The following DMD variants were observed in gnomAD, a reference collection of about 807,000 sequenced individuals.
DMD encodes the protein mutant dystrophin.
In DMD, 63 loss-of-function variants were observed where a neutral mutation model predicts 330.1. The observed-to-expected ratio is 0.19, with a 90% CI of 0.16 to 0.24. DMD has a LOEUF of 0.24. Ranked by LOEUF, DMD falls within the 10% of genes least tolerant of loss-of-function variation. DMD has a pLI of 1.00. For missense variants in DMD, 3,344 were observed against 2,684.1 expected (o/e 1.25, Z -5.43); for synonymous variants, 1,223 against 959.8 (o/e 1.27, Z -5.07).
At chrX:32,804,548 A>C (rs1221099569) in intron 7 of DMD, among the ~76,000 whole-genome samples, 2 of 112,660 alleles carry the variant, frequency 1.8e-5, no homozygotes, top group East Asian at 5.7e-4. Context: ...TGGGTGCAGC[A>C]TCAGCAGACT....
intron 34 of DMD, among the ~76,000 whole-genome samples, chrX:32,373,741 C>G (rs1261650067): frequency 1.8e-5 from 2 of 111,480 alleles, no homozygotes; most frequent in Non-Finnish European, 3.8e-5. Context: ...AGTTAATTTG[C>G]CTTCCTCTTG....
chrX:32,001,197 G>A (rs1468800739), intron 44 of DMD, among the ~76,000 whole-genome samples: 2 of 110,887 alleles, frequency 1.8e-5, no homozygotes, highest in Non-Finnish European at 3.8e-5. Flanking sequence ...GTGGTTGTAG[G>A]ACTGCATATG....
Position 31,177,936 on chromosome X carries a change from A to G in DMD, c.10258T>C (p.Ser3420Pro), listed in dbSNP as rs1569418231. The G allele has an allele frequency of 2.5e-6, 3 of 1,207,837 alleles. No homozygotes were observed. The highest frequency in any genetic ancestry group is 3.4e-6 in the Non-Finnish European group (3 of 892,618). Residue 3420 changes from serine (S) to proline (P), a missense_variant, in exon 71 of 79, where the codon TCT becomes CCT. Ser to Pro is a moderately conservative substitution (Grantham distance 74). Coordinates refer to ENST00000357033, the MANE Select transcript of DMD (RefSeq NM_004006.3). ...VTLINFWPVD[S>P]APASSPQLSH... The stretch of plus-strand genomic sequence containing the variant: ...TTCAGCAAAAAAAGTACTCACGCAG[A>G]ATCTACTGGCCAGAAGTTGATCAGA...
chrX:33,128,388 A>G (rs1301261446), intron 1 of DMD: 1 of 1,008,705 alleles, frequency 9.9e-7, no homozygotes, highest in Non-Finnish European at 1.3e-6. Context: ...GTTGCCGTGA[A>G]TAGTGAGGTG....
At chrX:32,018,542 C>A (rs1237137065) in intron 44 of DMD, among the ~76,000 whole-genome samples, 1 of 111,847 alleles carries the variant, frequency 8.9e-6, no homozygotes, top group Non-Finnish European at 1.9e-5. Flanking sequence ...ATAAACTCTG[C>A]TTACAACCTA....
At chrX:31,451,848 G>A (rs1603023415) in intron 59 of DMD, among the ~76,000 whole-genome samples, 1 of 107,111 alleles carries the variant, frequency 9.3e-6, no homozygotes, top group African/African-American at 3.5e-5. Flanking sequence ...AAAAAAAAAA[G>A]GGATGTGATT....
rs139507869 is a variant in DMD at position 32,840,960 on chromosome X, T to A, written c.264+3823A>T. 4.5e-3 allele frequency among the ~76,000 whole-genome samples: 505 copies of A among 112,040 alleles called. 6 individuals are homozygous for A. Among genetic ancestry groups the A allele is most frequent in the African/African-American group, 0.015 (454 of 30,862 alleles). On this transcript the variant is annotated intron_variant, in intron 4 of 78. Transcript: ENST00000357033. ...GGTAAGAAATGTGCATTTTCACATT[T>A]AGTAGATCATGCCCAACTCTTTAAT...
chrX:31,768,729 G>A (rs890230925), intron 51 of DMD, among the ~76,000 whole-genome samples: 2 of 111,850 alleles, frequency 1.8e-5, no homozygotes, highest in African/African-American at 3.2e-5. Flanking sequence ...AGATTTCTCC[G>A]ACACTAAGCT....
At chrX:31,853,956 A>C (rs2093572759) in intron 48 of DMD, among the ~76,000 whole-genome samples, 1 of 111,529 alleles carries the variant, frequency 9.0e-6, no homozygotes, top group African/African-American at 3.3e-5. Context: ...TGTGCACCTG[A>C]GATGTCATGA....
At chrX:33,177,681 C>A (rs1389047361) in intron 1 of DMD, among the ~76,000 whole-genome samples, 1 of 111,769 alleles carries the variant, frequency 8.9e-6, no homozygotes, top group Non-Finnish European at 1.9e-5. Flanking sequence ...CCACCGCGCC[C>A]GACCTTATTT....
chrX:33,276,328 T>TAA (rs2053234934), intron 1 of DMD, among the ~76,000 whole-genome samples: 1 of 111,243 alleles, frequency 9.0e-6, no homozygotes, highest in Non-Finnish European at 1.9e-5. Flanking sequence ...ATTATTTCAT[T>TAA]TTTTAATTCT....
At chrX:31,957,057 G>T (rs972243698) in intron 45 of DMD, among the ~76,000 whole-genome samples, 1 of 111,780 alleles carries the variant, frequency 8.9e-6, no homozygotes, top group Non-Finnish European at 1.9e-5. Context: ...GGGGCCAGAC[G>T]TCGTGGCACA....
chrX:32,731,035 C>T (rs1055955922), intron 7 of DMD, among the ~76,000 whole-genome samples: 6 of 111,322 alleles, frequency 5.4e-5, no homozygotes, highest in Non-Finnish European at 7.5e-5. Flanking sequence ...AGACAGTGGG[C>T]GCAGCTCAGT....
At chrX:31,886,214 C>T (rs2094152205) in intron 47 of DMD, among the ~76,000 whole-genome samples, 1 of 111,027 alleles carries the variant, frequency 9.0e-6, no homozygotes, top group Non-Finnish European at 1.9e-5. Context: ...AATCCTATCT[C>T]ACACAATTCC....
chrX:31,253,004 A>T (rs2049561284), intron 63 of DMD, among the ~76,000 whole-genome samples: 1 of 112,087 alleles, frequency 8.9e-6, no homozygotes, highest in Non-Finnish European at 1.9e-5. Flanking sequence ...AAAAAAAATT[A>T]AATTAATAAA....
rs186291003 is a variant in DMD, at chrX:32,557,640, T to A, written c.1992+8062A>T. ...TTTAGATAATAATTGATAGCCATGC[T>A]TAAAAACCAACTCCACAGGCATGGT... is the stretch of plus-strand genomic sequence containing the variant. On this transcript the variant is annotated intron_variant, in intron 16 of 78. Coordinates refer to ENST00000357033, the MANE Select transcript of DMD (RefSeq NM_004006.3). 2.4e-4 allele frequency among the ~76,000 whole-genome samples: 27 copies of A among 111,935 alleles called. No individual in the cohort carries two copies. In the East Asian group the frequency reaches 2.8e-3, roughly 12 times the overall value.
In DMD at chrX:33,157,855, G is replaced by T. The variant is rs188996349; in HGVS notation, c.31+53427C>A. Among the ~76,000 whole-genome samples the T allele has an allele frequency of 2.8e-3, 313 of 112,039 alleles. 1 individual carries two copies. Among genetic ancestry groups the T allele is most frequent in the African/African-American group, 9.6e-3 (297 of 30,830 alleles). ...TCCTGTAATCCCAGCTACCCTGGAG[G>T]CTGAGGCGGGAGAATCGCTTAAACC... On this transcript the variant is annotated intron_variant, in intron 1 of 78. Transcript: ENST00000357033.
At chrX:32,270,299 TA>T (rs1389651293) in intron 43 of DMD, among the ~76,000 whole-genome samples, 1 of 112,264 alleles carries the variant, frequency 8.9e-6, no homozygotes, top group Non-Finnish European at 1.9e-5. Flanking sequence ...CTTTTCTGGG[TA>T]AAATAAAAGT....
intron 13 of DMD, among the ~76,000 whole-genome samples, chrX:32,579,811 G>C (rs897993473): frequency 4.4e-5 from 5 of 112,748 alleles, no homozygotes; most frequent in African/African-American, 1.6e-4. Context: ...TGACTGATTT[G>C]TTCATTAAAT....
Sources: gnomAD v4.1 joint callset for allele counts (sites outside exome capture counted in the v4.1 genomes callset) on GRCh38, gnomAD v4.1.1 for gene constraint, MANE v1.5 for transcripts, NCBI Gene and HGNC (gene_info 2026-07-23, HGNC 2026-07-21) for gene names.